VPS13D: variants seen among roughly 807,000 people sequenced by gnomAD.
VPS13D encodes vacuolar protein sorting 13 homolog D.
Under a neutral mutation model 461.9 loss-of-function variants are expected in VPS13D, and 187 were observed. The ratio of observed to expected loss-of-function variants is 0.40; its 90% CI spans 0.36 to 0.46. The LOEUF (loss-of-function observed/expected upper bound fraction) is 0.46, where lower values mean the gene tolerates loss of function less well. Among genes scored for constraint, VPS13D ranks in the 20% least tolerant of loss-of-function variants. The pLI is 0.60. For synonymous variants in VPS13D, 1,951 were observed against 1,986.3 expected (o/e 0.98, Z 0.47); for missense variants, 4,711 against 5,364.9 (o/e 0.88, Z 3.81).
chr1:12,233,483 C>T (rs1640049832), intron 1 of VPS13D, among the ~76,000 whole-genome samples: 1 of 152,146 alleles, frequency 6.6e-6, no homozygotes, highest in Non-Finnish European at 1.5e-5. Flanking sequence ...ATGCCAGTAG[C>T]AGCCCCTAAG....
intron 19 of VPS13D, among the ~76,000 whole-genome samples, chr1:12,278,697 G>A (rs1217197183): frequency 6.6e-6 from 1 of 152,212 alleles, no homozygotes; most frequent in East Asian, 1.9e-4. Context: ...CTGATTTTCT[G>A]TTCCCAAGCT....
chr1:12,338,503 C>T (rs1200852988), intron 40 of VPS13D, among the ~76,000 whole-genome samples, 198 bp downstream of exon 40: 1 of 152,098 alleles, frequency 6.6e-6, no homozygotes, highest in Non-Finnish European at 1.5e-5. Flanking sequence ...GTTTCCCTTC[C>T]ATCTCCCTTA....
In VPS13D at chr1:12,495,598, A is replaced by G. The variant is rs1645946501; in HGVS notation, c.12663-1902A>G. Among the ~76,000 whole-genome samples, 3 of 152,208 alleles carry G rather than the reference A, an allele frequency of 2.0e-5. No individual in the cohort carries two copies. In the South Asian group the frequency reaches 6.2e-4, roughly 31 times the overall value. On this transcript the variant is annotated intron_variant, in intron 67 of 69. Coordinates refer to ENST00000620676, the MANE Select transcript of VPS13D (RefSeq NM_015378.4). The surrounding 1 kb of genome is among the most constrained non-coding windows in gnomAD (Gnocchi z 4.0). ...CCTTTGTTAGTTATGATCGAGATGG[A>G]GAAATAGTCAGATTTGGGATATATA...
At chr1:12,419,355 A>G (rs749055817) in intron 65 of VPS13D, among the ~76,000 whole-genome samples, 1 of 152,152 alleles carries the variant, frequency 6.6e-6, no homozygotes, top group Non-Finnish European at 1.5e-5. Context: ...GGGGATTGCT[A>G]TGTAATTTAC....
chr1:12,364,961 G>T (rs1644010841), intron 52 of VPS13D, among the ~76,000 whole-genome samples: 1 of 152,110 alleles, frequency 6.6e-6, no homozygotes, highest in Non-Finnish European at 1.5e-5. Context: ...TGAGGGTCCA[G>T]CTTCATTTTT....
intron 55 of VPS13D, 110 bp downstream of exon 55, chr1:12,373,968 T>C: frequency 1.3e-6 from 1 of 755,880 alleles, no homozygotes; most frequent in East Asian, 4.1e-5. Flanking sequence ...TAGGGACTTG[T>C]GTGGAACCCA....
At chr1:12,309,925 C>G (rs1642685289) in intron 27 of VPS13D, among the ~76,000 whole-genome samples, 1 of 152,094 alleles carries the variant, frequency 6.6e-6, no homozygotes, top group Non-Finnish European at 1.5e-5. Context: ...CTTAGCTGTT[C>G]TCACTGGGAT....
At chr1:12,399,848 C>T (rs975115971) in intron 60 of VPS13D, among the ~76,000 whole-genome samples, 4 of 152,010 alleles carry the variant, frequency 2.6e-5, no homozygotes, top group Admixed American at 1.3e-4. Context: ...ATATATTCAT[C>T]GTGTACAACA....
chr1:12,232,637 CTTTT>C (rs772757546), intron 1 of VPS13D, among the ~76,000 whole-genome samples: 3,226 of 70,844 alleles, frequency 0.046, 39 homozygotes, highest in African/African-American at 0.12. Flanking sequence ...TAAAATTAGT[CTTTT>C]TTTTTTTTTT....
rs1025465249 is a variant in VPS13D, at chr1:12,378,737, T to A, written c.11081+146T>A. 1.9e-5 allele frequency: 16 copies of A among 844,672 alleles called. No homozygotes were observed. In the South Asian group the frequency reaches 4.3e-4, roughly 23 times the overall value. 52.3% of individuals were successfully genotyped at this position (844,672 alleles called of 1,614,324 possible). ...CAAAAACCTGTCATATTCCCAAATA[T>A]GAGTATTGGGCTTTCCCTTTAAATA... is the stretch of plus-strand genomic sequence containing the variant. On this transcript the variant is annotated intron_variant, in intron 56 of 69. Transcript: ENST00000620676.
rs191220001 is a variant in VPS13D, at chr1:12,458,684, A to G, written c.12467-1517A>G. Among the ~76,000 whole-genome samples the G allele has an allele frequency of 3.9e-3, 591 of 152,244 alleles. 2 individuals carry two copies. Among genetic ancestry groups the G allele is most frequent in the Non-Finnish European group, 6.5e-3 (445 of 68,020 alleles). On this transcript the variant is annotated intron_variant, in intron 66 of 69. Transcript: ENST00000620676. Reference sequence around the variant, plus strand: ...CTCACCCAAGGAGTTTCCTTTACCAATTTGTCTCACTAGAGCTGAAGAGTC... The same window carrying G: ...CTCACCCAAGGAGTTTCCTTTACCAGTTTGTCTCACTAGAGCTGAAGAGTC...
intron 67 of VPS13D, among the ~76,000 whole-genome samples, chr1:12,492,719 C>A (rs1368084912): frequency 6.6e-6 from 1 of 152,100 alleles, no homozygotes; most frequent in African/African-American, 2.4e-5. Context: ...AATAGCAGAA[C>A]CTGGAAGAAA....
At chr1:12,238,583 T>C (rs1399045199) in intron 2 of VPS13D, among the ~76,000 whole-genome samples, 10 of 151,924 alleles carry the variant, frequency 6.6e-5, no homozygotes, top group Admixed American at 6.6e-4. Context: ...AGATAATGTG[T>C]ATGAAGTGCT....
chr1:12,443,913 T>G (rs1645160460), intron 65 of VPS13D, among the ~76,000 whole-genome samples: 1 of 151,872 alleles, frequency 6.6e-6, no homozygotes, highest in African/African-American at 2.4e-5. Context: ...TGGCACAATC[T>G]TGGCTCACTG....
intron 27 of VPS13D, among the ~76,000 whole-genome samples, chr1:12,309,487 T>C (rs1009965454): frequency 1.4e-5 from 2 of 148,126 alleles, no homozygotes; most frequent in African/African-American, 4.9e-5. Flanking sequence ...CATATGGACA[T>C]GGTGGCTCAT....
intron 6 of VPS13D, among the ~76,000 whole-genome samples, chr1:12,252,017 T>C (rs912593965): frequency 3.9e-5 from 6 of 152,136 alleles, no homozygotes; most frequent in Admixed American, 6.5e-5. Flanking sequence ...GTCATTGAGA[T>C]TGCTCAGCTT....
chr1:12,316,722 T>G (rs17037979), intron 30 of VPS13D, among the ~76,000 whole-genome samples: 10,058 of 152,256 alleles, frequency 0.066, 506 homozygotes, highest in Admixed American at 0.13. Context: ...ATACCTTTTA[T>G]GTCAGGGAAC....
chr1:12,231,279 T>C (rs947675409), intron 1 of VPS13D, among the ~76,000 whole-genome samples: 1 of 152,234 alleles, frequency 6.6e-6, no homozygotes, highest in African/African-American at 2.4e-5. Context: ...CTGGCCAGTC[T>C]GGCGGCCCTT....
chr1:12,452,231 G>A (rs1223960707), intron 65 of VPS13D, among the ~76,000 whole-genome samples: 3 of 152,122 alleles, frequency 2.0e-5, no homozygotes, highest in Non-Finnish European at 4.4e-5. Context: ...TGCTCATATC[G>A]GGACTCATTT....
Sources: gnomAD v4.1 joint callset for allele counts (sites outside exome capture counted in the v4.1 genomes callset) on GRCh38, gnomAD v4.1.1 for gene constraint, Gnocchi (gnomAD v3.1) non-coding constraint, MANE v1.5 for transcripts, NCBI Gene and HGNC (gene_info 2026-07-23, HGNC 2026-07-21) for gene names.